Variants in LCLAT1 observed in about 807,000 individuals in gnomAD.
LCLAT1 encodes the protein lysocardiolipin acyltransferase 1.
Under a neutral mutation model 30.7 loss-of-function variants are expected in LCLAT1, and 11 were observed. The ratio of observed to expected loss-of-function variants is 0.36; its 90% CI spans 0.23 to 0.59. LCLAT1 has a LOEUF of 0.59. Ranked by LOEUF, LCLAT1 falls within the 20% of genes least tolerant of loss-of-function variation. LCLAT1 has a pLI of 0.77. For missense variants in LCLAT1, 402 were observed against 458.6 expected, an observed-to-expected ratio of 0.88 and a Z score of 1.13; for synonymous variants, 155 against 151.3, an observed-to-expected ratio of 1.02 and a Z score of -0.18.
intron 1 of LCLAT1, among the ~76,000 whole-genome samples, chr2:30,465,189 C>G (rs1224153683): frequency 6.6e-6 from 1 of 152,020 alleles, no homozygotes; most frequent in Non-Finnish European, 1.5e-5. Context: ...GTGAGTGGTC[C>G]CTAAAAGCAA....
intron 1 of LCLAT1, among the ~76,000 whole-genome samples, chr2:30,509,030 A>G (rs1317892133): frequency 6.6e-6 from 1 of 152,082 alleles, no homozygotes; most frequent in Admixed American, 6.5e-5. Context: ...TTTTGTGGCA[A>G]TTGTGAATGG....
At chr2:30,452,900 C>T (rs1426460535) in intron 1 of LCLAT1, among the ~76,000 whole-genome samples, 1 of 151,968 alleles carries the variant, frequency 6.6e-6, no homozygotes, top group African/African-American at 2.4e-5. Context: ...CCATAGGGAT[C>T]CTACTGTAAA....
In LCLAT1 at chr2:30,644,078, A is replaced by G. The variant is rs1669445630; in HGVS notation, c.*3459A>G. On this transcript the variant is annotated 3_prime_UTR_variant, in exon 6 of 6. Coordinates refer to ENST00000379509, the MANE Select transcript of LCLAT1 (RefSeq NM_001002257.3). Reference sequence around the variant, plus strand: ...AAGAGAATCTTGGTTTTGGTAATTCATTTTTTTTTAAGATCATTATGTGCA... The same window carrying G: ...AAGAGAATCTTGGTTTTGGTAATTCGTTTTTTTTTAAGATCATTATGTGCA... 6.6e-6 allele frequency: 1 copy of G among 151,498 alleles called. No homozygotes were observed. Among genetic ancestry groups the G allele is most frequent in the Non-Finnish European group, 1.5e-5 (1 of 67,868 alleles). The allele number at this position is 151,498 out of a possible 1,614,324, so 9.4% of individuals were successfully genotyped here. A position where few individuals can be genotyped will look rare whatever the true frequency, so the allele number is the denominator to read the frequency against.
intron 5 of LCLAT1, among the ~76,000 whole-genome samples, chr2:30,620,262 T>A (rs933199980): frequency 4.6e-5 from 7 of 152,192 alleles, no homozygotes; most frequent in Admixed American, 2.6e-4. Context: ...CTGTATGTGA[T>A]CATCATCTCT....
chr2:30,493,942 C>T (rs558886031), intron 1 of LCLAT1, among the ~76,000 whole-genome samples: 5 of 152,244 alleles, frequency 3.3e-5, no homozygotes, highest in Admixed American at 3.3e-4. Context: ...CTCTTGAGGT[C>T]AGGCGTTCAA....
intron 1 of LCLAT1, among the ~76,000 whole-genome samples, chr2:30,450,971 G>A (rs1052095313): frequency 3.4e-5 from 5 of 147,024 alleles, no homozygotes; most frequent in African/African-American, 1.2e-4. Flanking sequence ...TCTGACCAAG[G>A]ACTCATACCG....
intron 1 of LCLAT1, among the ~76,000 whole-genome samples, chr2:30,484,358 C>G (rs1184933502): frequency 2.0e-5 from 3 of 152,076 alleles, no homozygotes; most frequent in Non-Finnish European, 4.4e-5. Context: ...GTGGCCTTCC[C>G]AAATCAGTCA....
chr2:30,510,470 A>G (rs889707589), intron 1 of LCLAT1, among the ~76,000 whole-genome samples: 1 of 152,148 alleles, frequency 6.6e-6, no homozygotes, highest in Non-Finnish European at 1.5e-5. Flanking sequence ...AATCCTTTGT[A>G]TGTAACCTGT....
intron 1 of LCLAT1, among the ~76,000 whole-genome samples, chr2:30,451,334 G>A (rs1681539254): frequency 6.6e-6 from 1 of 152,182 alleles, no homozygotes; most frequent in African/African-American, 2.4e-5. Flanking sequence ...ATGTCAAATG[G>A]TACAGTCACT....
intron 1 of LCLAT1, among the ~76,000 whole-genome samples, chr2:30,482,850 AT>A (rs1353437518): frequency 2.6e-5 from 4 of 151,922 alleles, no homozygotes; most frequent in Non-Finnish European, 5.9e-5. Flanking sequence ...GTTTAGTAGT[AT>A]GGTTAAGAAG....
At chr2:30,466,688 G>T (rs953484747) in intron 1 of LCLAT1, among the ~76,000 whole-genome samples, 1 of 150,954 alleles carries the variant, frequency 6.6e-6, no homozygotes, top group African/African-American at 2.4e-5. Flanking sequence ...TAAAAATGCA[G>T]ATATTCCAAT....
intron 1 of LCLAT1, 117 bp from the exon 2 acceptor site, chr2:30,525,468 TTC>T: frequency 1.3e-6 from 1 of 767,468 alleles, no homozygotes; most frequent in Non-Finnish European, 2.2e-6. Flanking sequence ...CTTATATTGT[TTC>T]TTAGAGCCTT....
chr2:30,490,434 G>A (rs576855255), intron 1 of LCLAT1, among the ~76,000 whole-genome samples: 18 of 152,016 alleles, frequency 1.2e-4, no homozygotes, highest in South Asian at 4.2e-4. Context: ...CTCGTGATCC[G>A]TCTGCCTCGG....
intron 3 of LCLAT1, among the ~76,000 whole-genome samples, chr2:30,546,338 T>A (rs138142074): frequency 7.9e-5 from 12 of 152,300 alleles, no homozygotes; most frequent in African/African-American, 2.9e-4. Context: ...ATGAAATGAT[T>A]AGAATTTTAT....
At chr2:30,626,772 A>C (rs1481128864) in intron 5 of LCLAT1, among the ~76,000 whole-genome samples, 4 of 151,902 alleles carry the variant, frequency 2.6e-5, no homozygotes, top group African/African-American at 9.7e-5. Context: ...GTAAGGTCAT[A>C]AATTTTTCTT....
intron 5 of LCLAT1, among the ~76,000 whole-genome samples, chr2:30,580,593 A>T (rs1434102056): frequency 6.6e-6 from 1 of 152,094 alleles, no homozygotes; most frequent in Non-Finnish European, 1.5e-5. Flanking sequence ...CAGAAAGGGG[A>T]AGCTGCCTCA....
chr2:30,517,146 C>G (rs1401732238), intron 1 of LCLAT1, among the ~76,000 whole-genome samples: 1 of 152,164 alleles, frequency 6.6e-6, no homozygotes, highest in Non-Finnish European at 1.5e-5. Context: ...CCCCAAAATT[C>G]TCCTTACCTC....
chr2:30,563,768 T>A (rs1665348699), intron 4 of LCLAT1, among the ~76,000 whole-genome samples: 1 of 151,760 alleles, frequency 6.6e-6, no homozygotes, highest in Non-Finnish European at 1.5e-5. Context: ...CAAAAGAGAG[T>A]TCAAGATGAA....
chr2:30,554,223 G>A lies in LCLAT1; in HGVS notation c.365-7923G>A, dbSNP rs114503511. ...AGCAAGAGGTATTCTCACTTGCAAT[G>A]CAGAAATACATTCGACCTGTCAGTA... On this transcript the variant is annotated intron_variant, in intron 3 of 5. Coordinates refer to ENST00000379509, the MANE Select transcript of LCLAT1 (RefSeq NM_001002257.3). 6.6e-3 allele frequency among the ~76,000 whole-genome samples: 1,009 copies of A among 152,314 alleles called. 10 individuals are homozygous for A. The highest frequency in any genetic ancestry group is 0.023 in the African/African-American group (958 of 41,560).
Sources: allele counts gnomAD v4.1 joint callset (sites outside exome capture counted in the v4.1 genomes callset), GRCh38; gene constraint gnomAD v4.1.1; transcripts MANE v1.5; gene names NCBI Gene and HGNC (gene_info 2026-07-23, HGNC 2026-07-21).